Variants in SLC9A9 observed in about 807,000 individuals in gnomAD.
SLC9A9 encodes the protein solute carrier family 9 member A9, also known as sodium/hydrogen exchanger 9.
Under a neutral mutation model 77.8 loss-of-function variants are expected in SLC9A9, and 62 were observed. That is an observed-to-expected ratio of 0.80 (90% CI 0.65 to 0.98). The LOEUF is 0.98. Among genes scored for constraint, SLC9A9 ranks in the 50% least tolerant of loss-of-function variants. SLC9A9 has a pLI of 0.00. For synonymous variants in SLC9A9, 320 were observed against 283.5 expected, an observed-to-expected ratio of 1.13 and a Z score of -1.29; for missense variants, 775 against 774.9, an observed-to-expected ratio of 1.00 and a Z score of 0.00.
chr3:143,736,167 T>G (rs1294358783), intron 4 of SLC9A9, among the ~76,000 whole-genome samples: 4 of 152,240 alleles, frequency 2.6e-5, no homozygotes, highest in Non-Finnish European at 5.9e-5. Context: ...CTGGAAAGTT[T>G]ACTCTGTTCC....
chr3:143,358,561 G>A (rs1233381212), intron 14 of SLC9A9, among the ~76,000 whole-genome samples: 1 of 152,156 alleles, frequency 6.6e-6, no homozygotes, highest in Non-Finnish European at 1.5e-5. Flanking sequence ...CGTTTAAGGG[G>A]AGAGATGGTA....
intron 13 of SLC9A9, among the ~76,000 whole-genome samples, chr3:143,365,250 G>C (rs6777284): frequency 0.37 from 56,547 of 151,846 alleles, 10,736 homozygotes; most frequent in Admixed American, 0.41. Context: ...CACAAAGATG[G>C]AAACAATATA....
intron 6 of SLC9A9, among the ~76,000 whole-genome samples, chr3:143,601,462 A>G (rs1377429310): frequency 6.6e-6 from 1 of 152,240 alleles, no homozygotes; most frequent in Non-Finnish European, 1.5e-5. Flanking sequence ...AATTCAGTCA[A>G]GTTGAATGAC....
intron 4 of SLC9A9, among the ~76,000 whole-genome samples, chr3:143,751,476 A>G (rs2006714946): frequency 6.6e-6 from 1 of 152,118 alleles, no homozygotes; most frequent in Non-Finnish European, 1.5e-5. Flanking sequence ...GATGCTATAA[A>G]CATATGAAGA....
At chr3:143,290,239 T>G (rs1273364088) in intron 14 of SLC9A9, among the ~76,000 whole-genome samples, 2 of 152,166 alleles carry the variant, frequency 1.3e-5, no homozygotes, top group African/African-American at 4.8e-5. Context: ...AATGGGATGG[T>G]CCAAGGCAAA....
intron 9 of SLC9A9, among the ~76,000 whole-genome samples, chr3:143,541,597 C>T (rs115673955): frequency 0.017 from 2,557 of 152,270 alleles, 32 homozygotes; most frequent in South Asian, 0.03. Context: ...GAGGCAGGTG[C>T]TGTGTATTTT....
chr3:143,607,676 A>G (rs1183380017), intron 6 of SLC9A9, among the ~76,000 whole-genome samples: 2 of 152,074 alleles, frequency 1.3e-5, no homozygotes, highest in African/African-American at 4.8e-5. Context: ...ATAGAACAAC[A>G]ACAACAAAAG....
At chr3:143,329,910 C>A (rs1388432798) in intron 14 of SLC9A9, among the ~76,000 whole-genome samples, 1 of 152,164 alleles carries the variant, frequency 6.6e-6, no homozygotes, top group Admixed American at 6.5e-5. Flanking sequence ...TCTGGCACTG[C>A]GCCTTGCTGC....
intron 1 of SLC9A9, among the ~76,000 whole-genome samples, chr3:143,843,535 A>G (rs1037539851): frequency 1.3e-5 from 2 of 152,186 alleles, no homozygotes; most frequent in African/African-American, 4.8e-5. Context: ...GTGCCTTGAA[A>G]TTTGTTATGT....
intron 2 of SLC9A9, among the ~76,000 whole-genome samples, chr3:143,829,534 A>G (rs2009383297): frequency 6.6e-6 from 1 of 152,190 alleles, no homozygotes; most frequent in African/African-American, 2.4e-5. Context: ...TATGACAACT[A>G]GTCTGTAAAG....
chr3:143,537,644 G>A (rs1209336218), intron 9 of SLC9A9, among the ~76,000 whole-genome samples: 2 of 152,212 alleles, frequency 1.3e-5, no homozygotes, highest in Non-Finnish European at 1.5e-5. Context: ...TGGTCCCTTA[G>A]AGTTGAGCAT....
chr3:143,303,397 G>A (rs2030623911), intron 14 of SLC9A9, among the ~76,000 whole-genome samples: 1 of 151,434 alleles, frequency 6.6e-6, no homozygotes, highest in Admixed American at 6.6e-5. Flanking sequence ...GAGGGAAGGA[G>A]GGAAGGAGGC....
chr3:143,769,274 A>G (rs531542946), intron 4 of SLC9A9, among the ~76,000 whole-genome samples: 2 of 152,198 alleles, frequency 1.3e-5, no homozygotes, highest in East Asian at 3.9e-4. Flanking sequence ...TACAATCTAA[A>G]CTCGCCTGGG....
At chr3:143,811,610 CCGA>C in intron 2 of SLC9A9, 1 of 447,458 alleles carries the variant, frequency 2.2e-6, no homozygotes, top group South Asian at 1.6e-5. Context: ...CTTTGGGAGG[CCGA>C]CGTGGGTGGA....
chr3:143,691,927 G>A (rs1321478361), intron 5 of SLC9A9, among the ~76,000 whole-genome samples: 1 of 152,062 alleles, frequency 6.6e-6, no homozygotes. Context: ...TGCTAGAGTA[G>A]CAATCCAATA....
At chr3:143,756,162 A>G (rs1331942151) in intron 4 of SLC9A9, among the ~76,000 whole-genome samples, 2 of 152,110 alleles carry the variant, frequency 1.3e-5, no homozygotes, top group East Asian at 3.8e-4. Context: ...TCATCCATAG[A>G]CTGTCTCATA....
intron 12 of SLC9A9, among the ~76,000 whole-genome samples, chr3:143,427,219 C>T (rs1188312444): frequency 6.6e-6 from 1 of 152,170 alleles, no homozygotes; most frequent in African/African-American, 2.4e-5. Context: ...GAAATGATGG[C>T]AAAACTTTTG....
chr3:143,574,334 A>T lies in SLC9A9; in HGVS notation c.895-141T>A. 8.2e-6 allele frequency: 6 copies of T among 727,672 alleles called. No homozygotes were observed. In the South Asian group the frequency reaches 9.1e-5, roughly 11 times the overall value. The allele number at this position is 727,672 out of a possible 1,614,324, so 45.1% of individuals were successfully genotyped here. On this transcript the variant is annotated intron_variant, in intron 7 of 15. Transcript: ENST00000316549. ...TATTCAGACCTGACTGGAAGGCCAT[A>T]ATTCTCACTGGGACCTACTTTGAAG...
chr3:143,364,892 A>G (rs2032857666), intron 13 of SLC9A9, among the ~76,000 whole-genome samples: 1 of 152,192 alleles, frequency 6.6e-6, no homozygotes, highest in South Asian at 2.1e-4. Flanking sequence ...ATCACTGTTC[A>G]TTTGATGTTG....
Sources: gnomAD v4.1 joint callset for allele counts (sites outside exome capture counted in the v4.1 genomes callset) on GRCh38, gnomAD v4.1.1 for gene constraint, MANE v1.5 for transcripts, NCBI Gene and HGNC (gene_info 2026-07-23, HGNC 2026-07-21) for gene names.